The following CDH12 variants were observed in gnomAD, a reference collection of about 807,000 sequenced individuals.
CDH12 encodes the protein cadherin 12.
A neutral mutation model predicts 74.1 loss-of-function variants in CDH12; 41 were observed. The ratio of observed to expected loss-of-function variants is 0.55; its 90% CI spans 0.43 to 0.72. The LOEUF (loss-of-function observed/expected upper bound fraction) is 0.72, where lower values mean the gene tolerates loss of function less well. CDH12 is among the 30% of genes least tolerant of loss of function. The pLI, the probability that CDH12 is intolerant of heterozygous loss-of-function variation, is 0.00. For missense variants in CDH12, 945 were observed against 977.2 expected (o/e 0.97, Z 0.44); for synonymous variants, 399 against 355.0 (o/e 1.12, Z -1.39).
At position 22,335,446 on chromosome 5, in the gene CDH12, G is replaced by A. The variant is rs923735557; in HGVS notation, c.-333+69811C>T. On this transcript the variant is annotated intron_variant, in intron 3 of 14. Transcript: ENST00000382254. ...TAAAAATACAAAGAATTGGCCAGAC[G>A]TGGTGGCAGGCAACTGTAGTCCCAG... Among the ~76,000 whole-genome samples the A allele has an allele frequency of 9.2e-5, 14 of 152,184 alleles. No individual in the cohort carries two copies. In the East Asian group the frequency reaches 2.1e-3, roughly 23 times the overall value.
chr5:21,778,161 C>T (rs976591274), intron 11 of CDH12, among the ~76,000 whole-genome samples: 2 of 152,030 alleles, frequency 1.3e-5, no homozygotes, highest in African/African-American at 2.4e-5. Context: ...TTGTCAGTCT[C>T]ATCCTCAGAA....
At chr5:22,072,566 G>T (rs1013791273) in intron 5 of CDH12, among the ~76,000 whole-genome samples, 12 of 146,966 alleles carry the variant, frequency 8.2e-5, no homozygotes, top group African/African-American at 2.6e-4. Flanking sequence ...GTGTGTGTGT[G>T]TTTAGGCTTT....
rs1413693159 is a variant in CDH12 at position 22,809,138 on chromosome 5, T to A, written c.-523+43920A>T. ...TAATTCTGATGAGCCTACAGTTACA[T>A]CATTTGAGTATTGAGACTGAGGTGA... On this transcript the variant is annotated intron_variant, in intron 1 of 14. Transcript: ENST00000382254. Among the ~76,000 whole-genome samples, 3 of 151,870 alleles carry A rather than the reference T, an allele frequency of 2.0e-5. No individual in the cohort carries two copies. The East Asian group carries it at 5.8e-4, about 29-fold the overall frequency.
intron 5 of CDH12, among the ~76,000 whole-genome samples, chr5:22,072,392 C>T (rs1012495274): frequency 6.6e-6 from 1 of 152,038 alleles, no homozygotes; most frequent in Non-Finnish European, 1.5e-5. Flanking sequence ...TTTCCCCATA[C>T]TACCACTTCT....
chr5:21,989,500 A>G (rs1400011887), intron 5 of CDH12, among the ~76,000 whole-genome samples: 2 of 152,154 alleles, frequency 1.3e-5, no homozygotes, highest in Non-Finnish European at 2.9e-5. Flanking sequence ...CTAAAAGTAG[A>G]TGACATCTTT....
At chr5:22,270,596 A>G (rs1736350482) in intron 3 of CDH12, among the ~76,000 whole-genome samples, 1 of 108,892 alleles carries the variant, frequency 9.2e-6, no homozygotes. Flanking sequence ...CACCGTCTCA[A>G]AAAAAAAAAT....
At chr5:22,046,014 C>T (rs1311771445) in intron 5 of CDH12, among the ~76,000 whole-genome samples, 2 of 151,984 alleles carry the variant, frequency 1.3e-5, no homozygotes, top group Non-Finnish European at 1.5e-5. Context: ...TAAATATGTA[C>T]GTGCCAACTA....
intron 1 of CDH12, among the ~76,000 whole-genome samples, chr5:22,524,696 C>T (rs1040028434): frequency 1.3e-5 from 2 of 152,122 alleles, no homozygotes; most frequent in African/African-American, 2.4e-5. Flanking sequence ...GCAACACAGG[C>T]TTCCATATCA....
At chr5:22,048,023 G>C (rs1740083143) in intron 5 of CDH12, among the ~76,000 whole-genome samples, 2 of 152,146 alleles carry the variant, frequency 1.3e-5, no homozygotes, top group African/African-American at 4.8e-5. Context: ...ATGGAGGGCT[G>C]TCAAGTGGGA....
At chr5:22,267,963 C>A (rs1736211635) in intron 3 of CDH12, among the ~76,000 whole-genome samples, 1 of 152,078 alleles carries the variant, frequency 6.6e-6, no homozygotes, top group Non-Finnish European at 1.5e-5. Flanking sequence ...TTAAGCATCC[C>A]AACCCTTATA....
intron 8 of CDH12, among the ~76,000 whole-genome samples, chr5:21,828,668 G>C (rs759947376): frequency 7.9e-5 from 12 of 151,792 alleles, no homozygotes; most frequent in Non-Finnish European, 1.8e-4. Context: ...TGGACACAAT[G>C]GTTTACATTT....
At chr5:22,400,663 G>A (rs1742692082) in intron 3 of CDH12, among the ~76,000 whole-genome samples, 1 of 151,980 alleles carries the variant, frequency 6.6e-6, no homozygotes, top group South Asian at 2.1e-4. Context: ...TATTTTATTT[G>A]ATATCATTAG....
chr5:22,103,263 T>C (rs540256953), intron 4 of CDH12, among the ~76,000 whole-genome samples: 1 of 152,300 alleles, frequency 6.6e-6, no homozygotes, highest in East Asian at 1.9e-4. Flanking sequence ...ATTTTTCTTC[T>C]TTCACCCTGG....
chr5:22,162,421 T>C (rs1748406724), intron 4 of CDH12, among the ~76,000 whole-genome samples: 1 of 152,148 alleles, frequency 6.6e-6, no homozygotes, highest in Non-Finnish European at 1.5e-5. Flanking sequence ...ACTTGTTCCT[T>C]ATTTTGGTGT....
In CDH12 at chr5:22,321,690, A is replaced by G. The variant is rs145759373; in HGVS notation, c.-333+83567T>C. Among the ~76,000 whole-genome samples, 1,198 of 152,248 alleles carry G rather than the reference A, an allele frequency of 7.9e-3. 11 individuals are homozygous for G. Among genetic ancestry groups the G allele is most frequent in the Middle Eastern group, 0.01 (3 of 294 alleles). Reference sequence around the variant, plus strand: ...AAGAAAGGCATCACTATACTTTTGCATTTTTACATTTAAGTAGCTTTTTTT... The same window carrying G: ...AAGAAAGGCATCACTATACTTTTGCGTTTTTACATTTAAGTAGCTTTTTTT... On this transcript the variant is annotated intron_variant, in intron 3 of 14. Coordinates refer to ENST00000382254, the MANE Select transcript of CDH12 (RefSeq NM_004061.5).
At chr5:21,778,123 C>T (rs1321558375) in intron 11 of CDH12, among the ~76,000 whole-genome samples, 1 of 152,020 alleles carries the variant, frequency 6.6e-6, no homozygotes, top group Non-Finnish European at 1.5e-5. Flanking sequence ...ATAAATGAAA[C>T]ATGGTGAATA....
chr5:22,515,138 G>C (rs1736752470), intron 1 of CDH12, among the ~76,000 whole-genome samples: 1 of 151,972 alleles, frequency 6.6e-6, no homozygotes, highest in South Asian at 2.1e-4. Flanking sequence ...TTAAGAAAAG[G>C]ATATAATACT....
chr5:22,048,527 T>C lies in CDH12; in HGVS notation c.231+29919A>G, dbSNP rs1371610257. ...AATATCTTTTTAGTTTAAAATCTAG[T>C]CATATTGAATGGCGGGGAAAGGTAA... On this transcript the variant is annotated intron_variant, in intron 5 of 14. Transcript: ENST00000382254. 2.0e-5 allele frequency among the ~76,000 whole-genome samples: 3 copies of C among 152,134 alleles called. No homozygotes were observed. In the East Asian group the frequency reaches 5.8e-4, roughly 29 times the overall value.
chr5:22,593,791 C>G (rs1023503895), intron 1 of CDH12, among the ~76,000 whole-genome samples: 2 of 152,166 alleles, frequency 1.3e-5, no homozygotes, highest in East Asian at 1.9e-4. Flanking sequence ...ATTTGTTCCT[C>G]TTTATGCTTC....
Sources: allele counts gnomAD v4.1 joint callset (sites outside exome capture counted in the v4.1 genomes callset), GRCh38; gene constraint gnomAD v4.1.1; transcripts MANE v1.5; gene names NCBI Gene and HGNC (gene_info 2026-07-23, HGNC 2026-07-21).